The following RARS1 variants were observed in gnomAD, a reference collection of about 807,000 sequenced individuals.
The protein encoded by RARS1 is arginine--tRNA ligase, cytoplasmic.
In RARS1, 75 loss-of-function variants were observed where a neutral mutation model predicts 78.7. The observed-to-expected ratio is 0.95, with a 90% confidence interval of 0.79 to 1.15. The LOEUF (loss-of-function observed/expected upper bound fraction) is 1.15. RARS1 is among the 50% of genes most tolerant of loss of function. The pLI is 0.00. For missense variants in RARS1, 787 were observed against 787.5 expected (o/e 1.00, Z 0.01); for synonymous variants, 273 against 268.2 (o/e 1.02, Z -0.18).
Position 168,508,823 on chromosome 5 carries a change from G to A in RARS1, c.1347-1758G>A, listed in dbSNP as rs551668031. 3.9e-5 allele frequency among the ~76,000 whole-genome samples: 6 copies of A among 152,100 alleles called. No individual in the cohort carries two copies. The South Asian group carries it at 1.2e-3, about 32-fold the overall frequency. On this transcript the variant is annotated intron_variant, in intron 11 of 14. Transcript: ENST00000231572. The stretch of plus-strand genomic sequence containing the variant: ...TTGAGGATGTGCTGTGCATGGTGTT[G>A]GTTGGATGCTCCACAATGTGTATAT...
chr5:168,513,286 G>C (rs561801893), intron 12 of RARS1, among the ~76,000 whole-genome samples: 20 of 143,488 alleles, frequency 1.4e-4, no homozygotes, highest in African/African-American at 5.2e-4. Context: ...TCTCAATCTC[G>C]TGACCTCGTG....
chr5:168,504,533 A>AG (rs1406638602), intron 9 of RARS1, among the ~76,000 whole-genome samples: 5 of 148,232 alleles, frequency 3.4e-5, no homozygotes, highest in African/African-American at 1.3e-4. Context: ...AAAAAAAAAA[A>AG]AGAAAAAAAA....
chr5:168,505,804 G>C (rs1330154345), intron 9 of RARS1, among the ~76,000 whole-genome samples: 1 of 151,374 alleles, frequency 6.6e-6, no homozygotes, highest in Non-Finnish European at 1.5e-5. Context: ...TGCTCTGATA[G>C]CACCCTGAGT....
At chr5:168,500,767 T>A in intron 8 of RARS1, 47 bp downstream of exon 8, 1 of 1,581,414 alleles carries the variant, frequency 6.3e-7, no homozygotes, top group Non-Finnish European at 8.6e-7. Context: ...ACTATGTATA[T>A]CATTTCCTGG....
intron 8 of RARS1, among the ~76,000 whole-genome samples, 194 bp from the exon 9 acceptor site, chr5:168,501,807 G>T (rs551545760): frequency 6.6e-6 from 1 of 152,218 alleles, no homozygotes; most frequent in African/African-American, 2.4e-5. Context: ...ATATTTTGAT[G>T]TGTACCTTAC....
At chr5:168,492,398 T>A (rs1358327920) in intron 2 of RARS1, among the ~76,000 whole-genome samples, 12 of 152,160 alleles carry the variant, frequency 7.9e-5, no homozygotes, top group Non-Finnish European at 5.9e-5. Flanking sequence ...TTTAACTCCC[T>A]CCTCCCAGTT....
chr5:168,513,318 G>A (rs760058527), intron 12 of RARS1, among the ~76,000 whole-genome samples: 10 of 147,046 alleles, frequency 6.8e-5, no homozygotes, highest in African/African-American at 2.0e-4. Context: ...CACCGTGCCC[G>A]GCCTCTTTCT....
chr5:168,517,596 A>G (rs1758697392), intron 13 of RARS1, among the ~76,000 whole-genome samples: 1 of 152,204 alleles, frequency 6.6e-6, no homozygotes, highest in Admixed American at 6.5e-5. Flanking sequence ...ATACCTAGAA[A>G]GTGTCACCTG....
chr5:168,516,370 A>T (rs1227878737), intron 12 of RARS1, among the ~76,000 whole-genome samples: 1 of 152,082 alleles, frequency 6.6e-6, no homozygotes, highest in Non-Finnish European at 1.5e-5. Context: ...TACACCCTTG[A>T]TTTCAATTAA....
In RARS1 at chr5:168,504,062, G is replaced by GA. The variant is rs35643354; in HGVS notation, c.1058-1943dup. On this transcript the variant is annotated intron_variant, in intron 9 of 14. Coordinates refer to ENST00000231572, the MANE Select transcript of RARS1 (RefSeq NM_002887.4). ...GGAAACAGAATGAGGCCCTGTCTCT[G>GA]AAAAAAAAAAAAAAAAGAATAACGA... 2.1e-3 allele frequency among the ~76,000 whole-genome samples: 272 copies of GA among 131,816 alleles called. 1 individual carries two copies. The highest frequency in any genetic ancestry group is 0.012 in the Middle Eastern group (3 of 252). 86.5% of individuals were successfully genotyped at this position (131,816 alleles called of 152,430 possible). A position where few individuals can be genotyped will look rare whatever the true frequency, so the allele number is the denominator to read the frequency against.
At position 168,494,571 on chromosome 5, in the gene RARS1, G is replaced by A; in HGVS notation, c.500G>A (p.Arg167Lys). The change falls in exon 5 of 15, where the codon AGA becomes AAA. Residue 167 changes from arginine to lysine, a missense_variant. By Grantham distance (26) the Arg-to-Lys change is conservative. Transcript: ENST00000231572. ...AGPGFINVHL[R>K]KDFVSEQLTS... The stretch of plus-strand genomic sequence containing the variant: ...TTAGGTTTTATTAATGTCCACTTAA[G>A]AAAGGATTTTGTATCAGAACAATTG... 6.2e-7 allele frequency: 1 copy of A among 1,610,986 alleles called. No homozygotes were observed. Among genetic ancestry groups the A allele is most frequent in the Non-Finnish European group, 8.5e-7 (1 of 1,177,290 alleles).
rs545014504 is a variant in RARS1 at position 168,495,165 on chromosome 5, G to A, written c.580-150G>A. Reference sequence around the variant, plus strand: ...ATAAAATCAAACATGGTTGAATTACGGCCCAAATTAATGTTTAAGTCTGAG... The same window carrying A: ...ATAAAATCAAACATGGTTGAATTACAGCCCAAATTAATGTTTAAGTCTGAG... On this transcript the variant is annotated intron_variant, in intron 5 of 14. Coordinates refer to ENST00000231572, the MANE Select transcript of RARS1 (RefSeq NM_002887.4). The A allele has an allele frequency of 1.1e-4, 145 of 1,304,402 alleles. 1 individual carries two copies. In the South Asian group the frequency reaches 2.2e-3, roughly 20 times the overall value. 80.8% of individuals were successfully genotyped at this position (1,304,402 alleles called of 1,614,324 possible). A position where few individuals can be genotyped will look rare whatever the true frequency, so the allele number is the denominator to read the frequency against.
chr5:168,505,546 G>A (rs1221596250), intron 9 of RARS1, among the ~76,000 whole-genome samples: 7 of 151,996 alleles, frequency 4.6e-5, no homozygotes, highest in African/African-American at 1.7e-4. Flanking sequence ...AGATTTTCAT[G>A]TTCTGGTCCT....
At position 168,497,486 on chromosome 5, in the gene RARS1, T is replaced by C. The variant is rs931375262; in HGVS notation, c.822+138T>C. 1.7e-5 allele frequency: 11 copies of C among 632,266 alleles called. No homozygotes were observed. The South Asian group carries it at 4.4e-4, about 25-fold the overall frequency. 39.2% of individuals were successfully genotyped at this position (632,266 alleles called of 1,614,324 possible). A position where few individuals can be genotyped will look rare whatever the true frequency, so the allele number is the denominator to read the frequency against. The stretch of plus-strand genomic sequence containing the variant: ...TTGCTAACAGCCTTAGTAATACATG[T>C]CTCTGTATAAATGACATTCTCTTGA... On this transcript the variant is annotated intron_variant, in intron 7 of 14. Coordinates refer to ENST00000231572, the MANE Select transcript of RARS1 (RefSeq NM_002887.4).
chr5:168,492,624 T>C (rs1758107801), intron 2 of RARS1, 35 bp from the exon 3 acceptor site: 3 of 1,499,200 alleles, frequency 2.0e-6, no homozygotes, highest in Non-Finnish European at 2.8e-6. Context: ...TGGTTTTACG[T>C]ACATTATTGA....
chr5:168,487,322 C>T (rs910953246), intron 1 of RARS1, among the ~76,000 whole-genome samples: 7 of 151,796 alleles, frequency 4.6e-5, no homozygotes, highest in Non-Finnish European at 1.0e-4. Flanking sequence ...GCAGAGAGCA[C>T]ACCACTGCAC....
At position 168,488,700 on chromosome 5, in the gene RARS1, T is replaced by G. The variant is rs1561818307; in HGVS notation, c.144T>G (p.Asn48Lys). The change falls in exon 2 of 15, where the codon AAT becomes AAG. Residue 48 changes from asparagine to lysine, a missense_variant. By Grantham distance (94) the Asn-to-Lys change is moderately conservative. Transcript: ENST00000231572. Reference protein sequence around the residue: ...SPNLEQLQEENLKLKYRLNIL... With the variant: ...SPNLEQLQEEKLKLKYRLNIL... The stretch of plus-strand genomic sequence containing the variant: ...ATTTGGAGCAGTTACAAGAAGAAAA[T>G]TTAAAATTAAAGTATCGACTGAATA... 2.5e-6 allele frequency: 4 copies of G among 1,611,086 alleles called. No individual in the cohort carries two copies. The highest frequency in any genetic ancestry group is 3.4e-6 in the Non-Finnish European group (4 of 1,179,202).
intron 6 of RARS1, chr5:168,497,009 AG>A: frequency 2.7e-6 from 1 of 367,032 alleles, no homozygotes; most frequent in Admixed American, 4.6e-5. Context: ...TGCAGCCTCT[AG>A]TACTTGAGTA....
At position 168,496,378 on chromosome 5, in the gene RARS1, C is replaced by CA. The variant is rs35365870; in HGVS notation, c.702-834dup. On this transcript the variant is annotated intron_variant, in intron 6 of 14. Coordinates refer to ENST00000231572, the MANE Select transcript of RARS1 (RefSeq NM_002887.4). ...TGGGCAACAGAGCAAGACTCTCTGTCAAAAAAAAAAAAAAAACAGTAAGTC... is the reference window on the plus strand; with the variant it reads ...TGGGCAACAGAGCAAGACTCTCTGTCAAAAAAAAAAAAAAAAACAGTAAGTC... 3.2e-3 allele frequency among the ~76,000 whole-genome samples: 371 copies of CA among 115,976 alleles called. 2 individuals carry two copies. Among genetic ancestry groups the CA allele is most frequent in the Middle Eastern group, 9.4e-3 (2 of 212 alleles). 76.1% of individuals were successfully genotyped at this position (115,976 alleles called of 152,430 possible). A position where few individuals can be genotyped will look rare whatever the true frequency, so the allele number is the denominator to read the frequency against.
Sources: allele counts gnomAD v4.1 joint callset (sites outside exome capture counted in the v4.1 genomes callset), GRCh38; gene constraint gnomAD v4.1.1; transcripts MANE v1.5; gene names NCBI Gene and HGNC (gene_info 2026-07-23, HGNC 2026-07-21).